Variants in ERBB4 observed in about 807,000 individuals in gnomAD.
The protein encoded by ERBB4 is receptor tyrosine-protein kinase erbB-4.
A neutral mutation model predicts 158.0 loss-of-function variants in ERBB4; 42 were observed. The ratio of observed to expected loss-of-function variants is 0.27; its 90% CI spans 0.21 to 0.34. The LOEUF (loss-of-function observed/expected upper bound fraction) is 0.34. Ranked by LOEUF, ERBB4 falls within the 10% of genes least tolerant of loss-of-function variation. The pLI, the probability that ERBB4 is intolerant of heterozygous loss-of-function variation, is 1.00. For missense variants in ERBB4, 1,333 were observed against 1,624.1 expected (o/e 0.82, Z 3.08); for synonymous variants, 583 against 558.7 (o/e 1.04, Z -0.61).
intron 1 of ERBB4, among the ~76,000 whole-genome samples, chr2:212,150,250 C>A (rs145731525): frequency 6.6e-6 from 1 of 152,078 alleles, no homozygotes; most frequent in Non-Finnish European, 1.5e-5. Flanking sequence ...TTTCTAGTAG[C>A]CCCAGGCATT....
At chr2:212,510,205 GTATATATATATATATA>G (rs10556403) in intron 1 of ERBB4, among the ~76,000 whole-genome samples, 1,838 of 130,464 alleles carry the variant, frequency 0.014, 71 homozygotes, top group African/African-American at 0.053. Flanking sequence ...TAACCACACA[GTATATATATATATATA>G]TATATATATA....
chr2:212,095,162 G>C (rs1399169815), intron 2 of ERBB4, among the ~76,000 whole-genome samples: 2 of 152,172 alleles, frequency 1.3e-5, no homozygotes, highest in Non-Finnish European at 2.9e-5. Context: ...GGCATTTCCT[G>C]AGTTCTAATT....
At chr2:211,896,147 C>T (rs988015772) in intron 3 of ERBB4, among the ~76,000 whole-genome samples, 32 of 152,280 alleles carry the variant, frequency 2.1e-4, no homozygotes, top group Admixed American at 1.5e-3. Context: ...ATATGTCTAG[C>T]CCAGACCTTT....
chr2:211,504,023 C>T (rs1313585189), intron 20 of ERBB4, among the ~76,000 whole-genome samples: 1 of 152,112 alleles, frequency 6.6e-6, no homozygotes, highest in Non-Finnish European at 1.5e-5. Flanking sequence ...CTGCAATTGC[C>T]TCTCACCTGC....
intron 16 of ERBB4, among the ~76,000 whole-genome samples, chr2:211,648,607 T>C (rs1395536461): frequency 6.6e-6 from 1 of 151,932 alleles, no homozygotes; most frequent in South Asian, 2.1e-4. Context: ...AAATATGGTA[T>C]GTTTGACTGT....
intron 20 of ERBB4, among the ~76,000 whole-genome samples, chr2:211,437,353 A>G (rs1253428064): frequency 4.6e-5 from 7 of 152,218 alleles, no homozygotes; most frequent in Admixed American, 2.6e-4. Context: ...GGAAAATTGT[A>G]TTAGAATTGA....
chr2:211,839,473 T>G (rs1480287010), intron 3 of ERBB4, among the ~76,000 whole-genome samples: 5 of 152,108 alleles, frequency 3.3e-5, no homozygotes, highest in Non-Finnish European at 4.4e-5. Context: ...ATATTCTGAC[T>G]GGTCCCCAAA....
intron 1 of ERBB4, among the ~76,000 whole-genome samples, chr2:212,250,639 T>C (rs1301791263): frequency 6.6e-6 from 1 of 151,952 alleles, no homozygotes; most frequent in African/African-American, 2.4e-5. Context: ...TAACATTCAA[T>C]CTAAATTCAT....
intron 4 of ERBB4, among the ~76,000 whole-genome samples, chr2:211,782,207 T>A (rs898690941): frequency 6.6e-6 from 1 of 151,472 alleles, no homozygotes; most frequent in Non-Finnish European, 1.5e-5. Context: ...TTCAGAACCA[T>A]TTTTTTTGCC....
At chr2:212,347,965 G>A (rs1005334554) in intron 1 of ERBB4, among the ~76,000 whole-genome samples, 1 of 151,958 alleles carries the variant, frequency 6.6e-6, no homozygotes, top group Non-Finnish European at 1.5e-5. Context: ...AGGTGAAATA[G>A]CATTCAATTC....
Position 212,261,930 on chromosome 2 carries a change from A to G in ERBB4, c.83-137027T>C, listed in dbSNP as rs183978624. ...TAAAAAATATAAAATTAAATTTACAAAATTAGGTACAAATGTAAAAATTTA... is the reference window on the plus strand; with the variant it reads ...TAAAAAATATAAAATTAAATTTACAGAATTAGGTACAAATGTAAAAATTTA... On this transcript the variant is annotated intron_variant, in intron 1 of 27. Transcript: ENST00000342788. Among the ~76,000 whole-genome samples, 99 of 152,286 alleles carry G rather than the reference A, an allele frequency of 6.5e-4. No homozygotes were observed. In the East Asian group the frequency reaches 0.017, roughly 27 times the overall value.
chr2:212,234,939 A>G (rs1022117648), intron 1 of ERBB4, among the ~76,000 whole-genome samples: 4 of 152,056 alleles, frequency 2.6e-5, no homozygotes, highest in African/African-American at 7.2e-5. Context: ...GTTCACTCTG[A>G]TGATAGTTTC....
intron 1 of ERBB4, among the ~76,000 whole-genome samples, chr2:212,430,284 C>T (rs1019098555): frequency 6.6e-6 from 1 of 152,134 alleles, no homozygotes; most frequent in Non-Finnish European, 1.5e-5. Flanking sequence ...TTAAAATCTA[C>T]ACCATGTCTA....
chr2:212,488,042 A>G (rs1394999274), intron 1 of ERBB4, among the ~76,000 whole-genome samples: 1 of 152,104 alleles, frequency 6.6e-6, no homozygotes, highest in Non-Finnish European at 1.5e-5. Context: ...TCACCTCCAA[A>G]TCAGTCCTCT....
chr2:211,979,724 T>C lies in ERBB4; in HGVS notation c.235-32108A>G, dbSNP rs60150080. Among the ~76,000 whole-genome samples the C allele has an allele frequency of 3.1e-3, 477 of 152,142 alleles. 3 individuals carry two copies. The highest frequency in any genetic ancestry group is 0.021 in the Middle Eastern group (6 of 292). The stretch of plus-strand genomic sequence containing the variant: ...GTTCAGTGAAATGTTTAATCATTTG[T>C]TCACCTTTTAAATTGAAGTTTATCC... On this transcript the variant is annotated intron_variant, in intron 2 of 27. Coordinates refer to ENST00000342788, the MANE Select transcript of ERBB4 (RefSeq NM_005235.3).
At chr2:211,694,424 G>A (rs905138278) in intron 12 of ERBB4, among the ~76,000 whole-genome samples, 1 of 152,076 alleles carries the variant, frequency 6.6e-6, no homozygotes, top group Non-Finnish European at 1.5e-5. Context: ...AAATAGAAGG[G>A]ATATCATTTC....
chr2:211,927,137 T>C (rs899018062), intron 3 of ERBB4, among the ~76,000 whole-genome samples: 1 of 152,130 alleles, frequency 6.6e-6, no homozygotes, highest in Non-Finnish European at 1.5e-5. Context: ...TAAATGACTA[T>C]ACAAAGGACC....
In ERBB4 at chr2:211,562,062, A is replaced by G. The variant is rs2125722361; in HGVS notation, c.2328T>C (p.Asp776=). ...MDEALIMASM[D]HPHLVRLLGV... ...CCAGCAACCGGACTAGGTGTGGATG[A>G]TCCATACTTGCCATGATCAGAGCTT... Residue 776 remains aspartate, a synonymous_variant, in exon 20 of 28, where the codon GAT becomes GAC. Transcript: ENST00000342788. The G allele has an allele frequency of 6.2e-7, 1 of 1,613,852 alleles. No individual in the cohort carries two copies. The highest frequency in any genetic ancestry group is 8.5e-7 in the Non-Finnish European group (1 of 1,180,026).
chr2:211,903,764 T>C (rs906910603), intron 3 of ERBB4, among the ~76,000 whole-genome samples: 1 of 151,744 alleles, frequency 6.6e-6, no homozygotes, highest in African/African-American at 2.4e-5. Flanking sequence ...TTTCACTCTG[T>C]AGCATTGATT....
Sources: allele counts gnomAD v4.1 joint callset (sites outside exome capture counted in the v4.1 genomes callset), GRCh38; gene constraint gnomAD v4.1.1; transcripts MANE v1.5; gene names NCBI Gene and HGNC (gene_info 2026-07-23, HGNC 2026-07-21).